BANP: variants seen among roughly 807,000 people sequenced by gnomAD.
The protein encoded by BANP is BTG3 associated nuclear protein.
Under a neutral mutation model 68.1 loss-of-function variants are expected in BANP, and 11 were observed. That is an observed-to-expected ratio of 0.16 (90% confidence interval 0.10 to 0.27). The LOEUF is 0.27. BANP is among the 10% of genes least tolerant of loss of function. BANP has a pLI of 1.00. For missense variants in BANP, 504 were observed against 722.7 expected (o/e 0.70, Z 3.47); for synonymous variants, 329 against 303.2 (o/e 1.09, Z -0.88).
At position 87,973,173 on chromosome 16, in the gene BANP, C is replaced by T. The variant is rs187706124; in HGVS notation, c.-68-1875C>T. ...GGGAGATTAAACATCTGTCTCATTCCGTCTTTCCCAGCTGGACTTTTTAGA... is the reference window on the plus strand; with the variant it reads ...GGGAGATTAAACATCTGTCTCATTCTGTCTTTCCCAGCTGGACTTTTTAGA... On this transcript the variant is annotated intron_variant, in intron 1 of 13. Transcript: ENST00000682872. Among the ~76,000 whole-genome samples, 950 of 152,020 alleles carry T rather than the reference C, an allele frequency of 6.2e-3. 30 individuals carry two copies. The highest frequency in any genetic ancestry group is 0.055 in the Admixed American group (844 of 15,258).
upstream of BANP, chr16:87,949,687 C>G (rs888755223): frequency 6.6e-6 from 1 of 152,162 alleles, no homozygotes; most frequent in Non-Finnish European, 1.5e-5. Context: ...TTGTAAGGCA[C>G]TTTTGCCACG....
At position 88,073,422 on chromosome 16, in the gene BANP, G is replaced by T. The variant is rs2090868635; in HGVS notation, c.1521+1210G>T. Among the ~76,000 whole-genome samples, 10 of 152,024 alleles carry T rather than the reference G, an allele frequency of 6.6e-5. 1 individual carries two copies. In the South Asian group the frequency reaches 2.1e-3, roughly 32 times the overall value. ...GGCACGCCCTGTACTCTGCCCATGG[G>T]CGCGGTGGCCCCCGCAGAGGCGCGC... On this transcript the variant is annotated intron_variant, in intron 13 of 13. Transcript: ENST00000682872.
intron 4 of BANP, among the ~76,000 whole-genome samples, chr16:87,990,558 G>T (rs905051875): frequency 6.6e-6 from 1 of 152,194 alleles, no homozygotes; most frequent in Non-Finnish European, 1.5e-5. Flanking sequence ...CAAAATTATA[G>T]CATTTCATAG....
intron 1 of BANP, among the ~76,000 whole-genome samples, chr16:87,958,619 C>CG (rs1328588259): frequency 6.6e-6 from 1 of 152,134 alleles, no homozygotes; most frequent in Non-Finnish European, 1.5e-5. Flanking sequence ...CACTCGAGCC[C>CG]GGGAATTGGA....
At chr16:88,030,294 A>G (rs1204690180) in intron 8 of BANP, among the ~76,000 whole-genome samples, 1 of 152,234 alleles carries the variant, frequency 6.6e-6, no homozygotes, top group Non-Finnish European at 1.5e-5. Context: ...TGACCAGGAC[A>G]TTGAAATCTA....
intron 6 of BANP, among the ~76,000 whole-genome samples, chr16:88,006,912 A>G (rs1194237650): frequency 1.4e-5 from 2 of 142,400 alleles, no homozygotes; most frequent in Non-Finnish European, 3.0e-5. Flanking sequence ...AGATCGCACC[A>G]CTGTACTCTA....
intron 11 of BANP, among the ~76,000 whole-genome samples, chr16:88,049,986 A>G (rs1358928575): frequency 1.3e-5 from 2 of 152,204 alleles, no homozygotes; most frequent in Non-Finnish European, 2.9e-5. Flanking sequence ...TATTCTTCCA[A>G]TTAAGAACCC....
chr16:87,952,276 A>G (rs2057089791), intron 1 of BANP: 1 of 152,284 alleles, frequency 6.6e-6, no homozygotes, highest in Non-Finnish European at 1.5e-5. Context: ...ATGAGATGGT[A>G]GGGGTTGTCT....
Position 87,996,156 on chromosome 16 carries a change from C to T in BANP, c.363-8139C>T, listed in dbSNP as rs143693054. 4.8e-3 allele frequency among the ~76,000 whole-genome samples: 730 copies of T among 152,258 alleles called. 5 individuals are homozygous for T. The highest frequency in any genetic ancestry group is 0.012 in the African/African-American group (496 of 41,562). On this transcript the variant is annotated intron_variant, in intron 4 of 13. Transcript: ENST00000682872. Reference sequence around the variant, plus strand: ...GCAGAGGTGTGTGTCCAGCAGCCACCGACGGCGGTGTCTGGAGTCACCACT... The same window carrying T: ...GCAGAGGTGTGTGTCCAGCAGCCACTGACGGCGGTGTCTGGAGTCACCACT...
At position 88,004,520 on chromosome 16, in the gene BANP, G is replaced by A; in HGVS notation, c.479+109G>A. On this transcript the variant is annotated intron_variant, in intron 5 of 13. Coordinates refer to ENST00000682872, the MANE Select transcript of BANP (RefSeq NM_001386991.1). The surrounding 1 kb of genome is among the most constrained non-coding windows in gnomAD (Gnocchi z 7.0). Reference sequence around the variant, plus strand: ...ACAGTCCAGCACACGCTTCATCTCTGTGGTCACAGGGTTGAGCCTGGCAGG... The same window carrying A: ...ACAGTCCAGCACACGCTTCATCTCTATGGTCACAGGGTTGAGCCTGGCAGG... 1 of 659,676 alleles carries A rather than the reference G, an allele frequency of 1.5e-6. No homozygotes were observed. Among genetic ancestry groups the A allele is most frequent in the Non-Finnish European group, 2.5e-6 (1 of 393,694 alleles). The allele number at this position is 659,676 out of a possible 1,614,324, so 40.9% of individuals were successfully genotyped here.
At chr16:88,044,670 T>C (rs1299806005) in intron 11 of BANP, among the ~76,000 whole-genome samples, 1 of 152,228 alleles carries the variant, frequency 6.6e-6, no homozygotes, top group African/African-American at 2.4e-5. Context: ...ACCTGTGTAA[T>C]TAAGTAATTT....
chr16:88,021,798 C>T (rs1260604314), intron 7 of BANP, among the ~76,000 whole-genome samples: 2 of 152,242 alleles, frequency 1.3e-5, no homozygotes, highest in African/African-American at 4.8e-5. Context: ...GTAGCCTCAG[C>T]AGTCAGAGGC....
chr16:87,984,893 G>A (rs562193913), intron 4 of BANP, among the ~76,000 whole-genome samples: 1 of 152,348 alleles, frequency 6.6e-6, no homozygotes, highest in Admixed American at 6.5e-5. Context: ...AAGAAGTCCT[G>A]CTTGAGGCAG....
intron 12 of BANP, among the ~76,000 whole-genome samples, chr16:88,070,686 G>C (rs985230216): frequency 6.6e-6 from 1 of 152,164 alleles, no homozygotes; most frequent in Admixed American, 6.5e-5. Context: ...CACGTGGGGG[G>C]CCTGCAGGCC....
Position 88,018,339 on chromosome 16 carries a change from C to A in BANP, c.656-89C>A, listed in dbSNP as rs2075084678. ...CCCAGCCCTGCGTGGAGCATCTTTC[C>A]CGACTGTGCCTGAGCAGAGCGCTCT... On this transcript the variant is annotated intron_variant, in intron 6 of 13. Transcript: ENST00000682872. The surrounding 1 kb of genome is among the most constrained non-coding windows in gnomAD (Gnocchi z 7.7). 6.7e-7 allele frequency: 1 copy of A among 1,493,910 alleles called. No homozygotes were observed. The highest frequency in any genetic ancestry group is 1.4e-5 in the African/African-American group (1 of 72,380). 92.5% of individuals were successfully genotyped at this position (1,493,910 alleles called of 1,614,324 possible).
chr16:87,971,274 T>G (rs963392203), intron 1 of BANP, among the ~76,000 whole-genome samples: 1 of 152,218 alleles, frequency 6.6e-6, no homozygotes, highest in Non-Finnish European at 1.5e-5. Context: ...CTCCTCTGTC[T>G]CAGTCCTGCG....
At chr16:88,047,060 C>T (rs1235363297) in intron 11 of BANP, among the ~76,000 whole-genome samples, 5 of 142,842 alleles carry the variant, frequency 3.5e-5, no homozygotes, top group African/African-American at 1.4e-4. Flanking sequence ...AGCGAGACTC[C>T]GTCTCAAAAA....
At chr16:88,010,303 C>T (rs1477511565) in intron 6 of BANP, among the ~76,000 whole-genome samples, 1 of 152,204 alleles carries the variant, frequency 6.6e-6, no homozygotes, top group Non-Finnish European at 1.5e-5. Context: ...TCTTACAAAA[C>T]GTGACTGATC....
At position 87,971,558 on chromosome 16, in the gene BANP, C is replaced by G. The variant is rs949309962; in HGVS notation, c.-68-3490C>G. On this transcript the variant is annotated intron_variant, in intron 1 of 13. Coordinates refer to ENST00000682872, the MANE Select transcript of BANP (RefSeq NM_001386991.1). The stretch of plus-strand genomic sequence containing the variant: ...TTCTTTCCGTTATAAGTCACCTAGT[C>G]TTTTGCTTGGATGGCTAAAAAATTT... 2.0e-5 allele frequency among the ~76,000 whole-genome samples: 3 copies of G among 147,448 alleles called. No individual in the cohort carries two copies. The Admixed American group carries it at 2.0e-4, about 10-fold the overall frequency.
Sources: gnomAD v4.1 joint callset for allele counts (sites outside exome capture counted in the v4.1 genomes callset) on GRCh38, gnomAD v4.1.1 for gene constraint, Gnocchi (gnomAD v3.1) non-coding constraint, MANE v1.5 for transcripts, NCBI Gene and HGNC (gene_info 2026-07-23, HGNC 2026-07-21) for gene names.